Variants in MPRIP observed in about 807,000 individuals in gnomAD.
MPRIP encodes myosin phosphatase Rho-interacting protein.
Under a neutral mutation model 234.9 loss-of-function variants are expected in MPRIP, and 59 were observed. The ratio of observed to expected loss-of-function variants is 0.25; its 90% CI spans 0.20 to 0.31. The LOEUF (loss-of-function observed/expected upper bound fraction) is 0.31, where lower values mean the gene tolerates loss of function less well. Among genes scored for constraint, MPRIP ranks in the 10% least tolerant of loss-of-function variants. The probability of loss-of-function intolerance (pLI) is 1.00; values close to 1 mark genes in which losing one functional copy is unlikely to be tolerated. For missense variants in MPRIP, 2,436 were observed against 3,071.0 expected (o/e 0.79, Z 4.89); for synonymous variants, 1,144 against 1,263.9 (o/e 0.91, Z 2.01).
intron 3 of MPRIP, among the ~76,000 whole-genome samples, chr17:17,093,638 C>G (rs2089771643): frequency 6.6e-6 from 1 of 152,058 alleles, no homozygotes; most frequent in African/African-American, 2.4e-5. Context: ...ATTGTTTTTT[C>G]AAAATAGTGT....
chr17:17,179,904 C>A, intron 22 of MPRIP, 99 bp from the exon 23 acceptor site: 1 of 931,710 alleles, frequency 1.1e-6, no homozygotes, highest in Non-Finnish European at 1.7e-6. Flanking sequence ...AAGTATGCTG[C>A]AGTAGGAAGC....
chr17:17,129,433 C>T (rs1468917518), intron 4 of MPRIP, among the ~76,000 whole-genome samples: 1 of 152,222 alleles, frequency 6.6e-6, no homozygotes, highest in Non-Finnish European at 1.5e-5. Flanking sequence ...ATGTTAGACG[C>T]TTCCTATTGG....
intron 3 of MPRIP, among the ~76,000 whole-genome samples, chr17:17,093,630 T>G (rs1000530209): frequency 6.6e-6 from 1 of 152,186 alleles, no homozygotes; most frequent in African/African-American, 2.4e-5. Context: ...GGGCTTTAAT[T>G]GTTTTTTCAA....
intron 8 of MPRIP, 99 bp from the exon 9 acceptor site, chr17:17,143,457 G>A: frequency 1.4e-6 from 1 of 702,192 alleles, no homozygotes; most frequent in Non-Finnish European, 2.2e-6. Flanking sequence ...CCAGGAGCAA[G>A]GCCCTGGCGG....
At chr17:17,174,138 A>G in intron 19 of MPRIP, 63 bp downstream of exon 19, 1 of 1,565,712 alleles carries the variant, frequency 6.4e-7, no homozygotes, top group Admixed American at 1.8e-5. Flanking sequence ...GTAGACCCAT[A>G]GTCAGGTGAG....
intron 14 of MPRIP, among the ~76,000 whole-genome samples, chr17:17,159,243 C>A (rs960603048): frequency 5.9e-5 from 9 of 152,244 alleles, no homozygotes; most frequent in Admixed American, 1.3e-4. Flanking sequence ...GGAATTCTTC[C>A]GATGGTGGGG....
At chr17:17,154,441 C>T in intron 13 of MPRIP, 26 bp downstream of exon 13, 2 of 1,599,232 alleles carry the variant, frequency 1.3e-6, no homozygotes, top group Non-Finnish European at 1.7e-6. Flanking sequence ...CACCAGGGAG[C>T]CCTTTGTGCC....
At chr17:17,171,496 G>A in intron 16 of MPRIP, 1 of 549,974 alleles carries the variant, frequency 1.8e-6, no homozygotes, top group Non-Finnish European at 3.2e-6. Flanking sequence ...AAGAGGTAGA[G>A]TTGACTGGTA....
intron 3 of MPRIP, among the ~76,000 whole-genome samples, chr17:17,124,775 A>G (rs1227648289): frequency 6.6e-6 from 1 of 152,178 alleles, no homozygotes; most frequent in African/African-American, 2.4e-5. Flanking sequence ...TCAAGAGGGA[A>G]GTCAGAGCAA....
At chr17:17,054,890 A>G (rs1194984372) in intron 1 of MPRIP, among the ~76,000 whole-genome samples, 1 of 151,896 alleles carries the variant, frequency 6.6e-6, no homozygotes, top group Non-Finnish European at 1.5e-5. Context: ...TCTCTACAAA[A>G]AAGTAAAAAA....
rs576664223 is a variant in MPRIP, at chr17:17,106,569, G to A, written c.268-20133G>A. ...TGTTTCCTCTCCTCCTTCCAGAACC[G>A]GATCTTCCTGAGTCCCTCAGTGGCT... On this transcript the variant is annotated intron_variant, in intron 3 of 23. Transcript: ENST00000651222. Among the ~76,000 whole-genome samples the A allele has an allele frequency of 2.3e-3, 343 of 152,290 alleles. 4 individuals are homozygous for A. Among genetic ancestry groups the A allele is most frequent in the African/African-American group, 7.7e-3 (321 of 41,562 alleles).
intron 1 of MPRIP, among the ~76,000 whole-genome samples, chr17:17,055,230 G>A (rs985733661): frequency 6.6e-6 from 1 of 152,114 alleles, no homozygotes; most frequent in African/African-American, 2.4e-5. Flanking sequence ...ATGGGTGTAT[G>A]AGTTGCCATG....
rs777897527 is a variant in MPRIP, at chr17:17,173,910, C to A, written c.6591-6C>A. On this transcript the variant is annotated splice_polypyrimidine_tract_variant and splice_region_variant and intron_variant, in intron 18 of 23. Transcript: ENST00000651222. ...GGCAGAGGAGTGAGTGCTGCCCTCTCCCCAGGGAGGAGCTGCAGTCGGTGC... is the reference window on the plus strand; with the variant it reads ...GGCAGAGGAGTGAGTGCTGCCCTCTACCCAGGGAGGAGCTGCAGTCGGTGC... 1.9e-6 allele frequency: 3 copies of A among 1,613,382 alleles called. No homozygotes were observed. Among genetic ancestry groups the A allele is most frequent in the Admixed American group, 3.3e-5 (2 of 60,024 alleles).
rs1191030405 is a variant in MPRIP, at chr17:17,042,471, G to T, written c.-378G>T. 1.0e-4 allele frequency: 15 copies of T among 146,264 alleles called. No individual in the cohort carries two copies. The highest frequency in any genetic ancestry group is 3.7e-4 in the African/African-American group (15 of 40,526). The allele number at this position is 146,264 out of a possible 1,614,324, so 9.1% of individuals were successfully genotyped here. Reference sequence around the variant, plus strand: ...CGCCCGCCCCCGTAGTGCGTGAGGCGCTCCGGTCCCATTTGCAGCGGCCGC... The same window carrying T: ...CGCCCGCCCCCGTAGTGCGTGAGGCTCTCCGGTCCCATTTGCAGCGGCCGC... On this transcript the variant is annotated 5_prime_UTR_variant, in exon 1 of 24. Coordinates refer to ENST00000651222, the MANE Select transcript of MPRIP (RefSeq NM_001364716.4).
Position 17,164,061 on chromosome 17 carries a change from C to A in MPRIP, c.2518-48C>A, listed in dbSNP as rs763797777. 13 of 1,264,168 alleles carry A rather than the reference C, an allele frequency of 1.0e-5. No homozygotes were observed. In the African/African-American group the frequency reaches 1.1e-4, roughly 11 times the overall value. The allele number at this position is 1,264,168 out of a possible 1,614,324, so 78.3% of individuals were successfully genotyped here. On this transcript the variant is annotated intron_variant, in intron 15 of 23. Coordinates refer to ENST00000651222, the MANE Select transcript of MPRIP (RefSeq NM_001364716.4). The stretch of plus-strand genomic sequence containing the variant: ...CTGGCCAGAGGTGTGACACTCAGAA[C>A]TGGGAGGCCCGAGTGTTACTAACCA...
intron 16 of MPRIP, chr17:17,168,607 G>A (rs2046059401): frequency 1.2e-5 from 4 of 346,846 alleles, no homozygotes; most frequent in African/African-American, 2.2e-5. Context: ...TGGAGGTGGT[G>A]GTGGGCTGAG....
chr17:17,152,780 A>G (rs1035427137), intron 12 of MPRIP, among the ~76,000 whole-genome samples: 3 of 152,230 alleles, frequency 2.0e-5, no homozygotes, highest in Non-Finnish European at 4.4e-5. Flanking sequence ...TCCATTAGAA[A>G]GGAACCAGGC....
At position 17,188,352 on chromosome 17, in the gene MPRIP, G is replaced by A. The variant is rs1241055163; in HGVS notation, c.*3458G>A. 3 of 152,290 alleles carry A rather than the reference G, an allele frequency of 2.0e-5. No homozygotes were observed. The highest frequency in any genetic ancestry group is 2.9e-5 in the Non-Finnish European group (2 of 68,086). 9.4% of individuals were successfully genotyped at this position (152,290 alleles called of 1,614,324 possible). ...GGTTTATTGAACAAGAGGTAACATC[G>A]GAGAGGATCTTGCCTTCGGATTCAG... is the stretch of plus-strand genomic sequence containing the variant. On this transcript the variant is annotated 3_prime_UTR_variant, in exon 24 of 24. Coordinates refer to ENST00000651222, the MANE Select transcript of MPRIP (RefSeq NM_001364716.4).
At chr17:17,170,743 G>A (rs1396433674) in intron 16 of MPRIP, 1 of 152,226 alleles carries the variant, frequency 6.6e-6, no homozygotes, top group Non-Finnish European at 1.5e-5. Context: ...CTCTGAAGCA[G>A]ACCACTTGAA....
Sources: allele counts gnomAD v4.1 joint callset (sites outside exome capture counted in the v4.1 genomes callset), GRCh38; gene constraint gnomAD v4.1.1; transcripts MANE v1.5; gene names NCBI Gene and HGNC (gene_info 2026-07-23, HGNC 2026-07-21).